AGBL1: variants seen among roughly 807,000 people sequenced by gnomAD.
The protein encoded by AGBL1 is AGBL carboxypeptidase 1.
A neutral mutation model predicts 118.9 loss-of-function variants in AGBL1; 130 were observed. That is an observed-to-expected ratio of 1.09 (90% confidence interval 0.95 to 1.26). The LOEUF is 1.26. Among genes scored for constraint, AGBL1 ranks in the 50% most tolerant of loss-of-function variants. AGBL1 has a pLI of 0.00. For missense variants in AGBL1, 1,584 were observed against 1,298.1 expected, an observed-to-expected ratio of 1.22 and a Z score of -3.38; for synonymous variants, 555 against 478.9, an observed-to-expected ratio of 1.16 and a Z score of -2.08.
chr15:86,537,884 T>C (rs1425929937), intron 19 of AGBL1, among the ~76,000 whole-genome samples: 1 of 152,196 alleles, frequency 6.6e-6, no homozygotes, highest in African/African-American at 2.4e-5. Context: ...ATATCTGGCA[T>C]TCAAATAAAT....
chr15:86,398,528 A>C (rs1465412710), intron 18 of AGBL1, among the ~76,000 whole-genome samples: 1 of 152,160 alleles, frequency 6.6e-6, no homozygotes, highest in Admixed American at 6.5e-5. Context: ...GAAGCAAAAA[A>C]GAAGTTTAGA....
chr15:86,860,851 T>C (rs752452027), intron 22 of AGBL1, among the ~76,000 whole-genome samples: 29 of 152,042 alleles, frequency 1.9e-4, no homozygotes, highest in Non-Finnish European at 3.7e-4. Context: ...GCACCTATCA[T>C]GGGCAGAAAG....
chr15:86,814,093 T>C (rs1204562622), intron 22 of AGBL1, among the ~76,000 whole-genome samples: 1 of 152,100 alleles, frequency 6.6e-6, no homozygotes, highest in Non-Finnish European at 1.5e-5. Context: ...ACCAGTCTGG[T>C]CCATGGCCTA....
At chr15:86,857,141 C>G (rs1412378474) in intron 22 of AGBL1, among the ~76,000 whole-genome samples, 1 of 152,142 alleles carries the variant, frequency 6.6e-6, no homozygotes, top group African/African-American at 2.4e-5. Flanking sequence ...TCCGGTTTAT[C>G]CATCCCCCAG....
chr15:86,396,745 A>G (rs2081370881), intron 17 of AGBL1, among the ~76,000 whole-genome samples: 1 of 152,132 alleles, frequency 6.6e-6, no homozygotes, highest in Admixed American at 6.6e-5. Flanking sequence ...TTTGTTTTTT[A>G]TAACAACCAC....
intron 22 of AGBL1, among the ~76,000 whole-genome samples, chr15:86,859,808 G>C (rs1038852725): frequency 1.1e-4 from 16 of 152,104 alleles, no homozygotes; most frequent in Non-Finnish European, 1.3e-4. Context: ...TGGTATTCTA[G>C]GGACAATACA....
intron 9 of AGBL1, among the ~76,000 whole-genome samples, chr15:86,261,219 C>G (rs900708258): frequency 6.6e-6 from 1 of 152,182 alleles, no homozygotes; most frequent in Non-Finnish European, 1.5e-5. Context: ...CCAGTTGGAG[C>G]ACAGCCTTAC....
At chr15:86,325,656 C>T (rs981438108) in intron 17 of AGBL1, among the ~76,000 whole-genome samples, 3 of 152,206 alleles carry the variant, frequency 2.0e-5, no homozygotes, top group African/African-American at 7.2e-5. Context: ...CCGGCACAGC[C>T]ATCTTCCATC....
intron 18 of AGBL1, among the ~76,000 whole-genome samples, chr15:86,405,316 C>T (rs1374593010): frequency 6.6e-6 from 1 of 151,682 alleles, no homozygotes; most frequent in Non-Finnish European, 1.5e-5. Context: ...TTGAGACCAT[C>T]CTGGCTAACA....
At chr15:87,016,077 C>T (rs1426068190) in intron 24 of AGBL1, among the ~76,000 whole-genome samples, 2 of 152,156 alleles carry the variant, frequency 1.3e-5, no homozygotes, top group African/African-American at 4.8e-5. Context: ...TACTTGCAGC[C>T]AGAACCATCC....
At chr15:86,252,094 G>A (rs2078826040) in intron 7 of AGBL1, among the ~76,000 whole-genome samples, 1 of 152,218 alleles carries the variant, frequency 6.6e-6, no homozygotes, top group African/African-American at 2.4e-5. Flanking sequence ...TCCGAGGTGA[G>A]ATGCAAGATT....
chr15:86,641,579 G>C (rs1455359541), intron 21 of AGBL1, among the ~76,000 whole-genome samples: 2 of 151,916 alleles, frequency 1.3e-5, no homozygotes, highest in African/African-American at 2.4e-5. Context: ...TCAATATATT[G>C]TTTGGTTTTA....
At position 86,670,420 on chromosome 15, in the gene AGBL1, G is replaced by A. The variant is rs372037052; in HGVS notation, c.2995-3853G>A. Among the ~76,000 whole-genome samples, 1,016 of 151,904 alleles carry A rather than the reference G, an allele frequency of 6.7e-3. 8 individuals carry two copies. The highest frequency in any genetic ancestry group is 0.021 in the East Asian group (105 of 5,116). ...GGAGTTTGAGACCAGCCTGGCCAAG[G>A]TGGTGAAACCCTGTCTCTACTCAAA... On this transcript the variant is annotated intron_variant, in intron 21 of 22. Transcript: ENST00000614907.
intron 7 of AGBL1, among the ~76,000 whole-genome samples, chr15:86,255,086 A>G (rs887024377): frequency 6.6e-6 from 1 of 152,212 alleles, no homozygotes; most frequent in African/African-American, 2.4e-5. Context: ...ATCAAAGACC[A>G]TCACAAACAT....
chr15:86,672,521 C>T (rs1441710702), intron 21 of AGBL1, among the ~76,000 whole-genome samples: 2 of 152,136 alleles, frequency 1.3e-5, no homozygotes, highest in African/African-American at 4.8e-5. Flanking sequence ...CCCCGAGGGC[C>T]AGAGTCTTAC....
In AGBL1 at chr15:86,613,664, G is replaced by A. The variant is rs1414636211; in HGVS notation, c.2994+59127G>A. 2.6e-5 allele frequency among the ~76,000 whole-genome samples: 4 copies of A among 152,142 alleles called. No individual in the cohort carries two copies. The highest frequency in any genetic ancestry group is 1.3e-4 in the Admixed American group (2 of 15,264). On this transcript the variant is annotated intron_variant, in intron 21 of 22. Coordinates refer to ENST00000614907, the MANE Select transcript of AGBL1 (RefSeq NM_001386094.1). The surrounding 1 kb of genome is among the most constrained non-coding windows in gnomAD (Gnocchi z 4.2). ...AGGCATGACGTTTCCCAGAAAGAGG[G>A]CATTTTCTATTGAGGGATGAAAACA...
At chr15:86,748,091 A>G (rs1447079640) in intron 22 of AGBL1, among the ~76,000 whole-genome samples, 7 of 152,184 alleles carry the variant, frequency 4.6e-5, no homozygotes, top group Non-Finnish European at 1.0e-4. Flanking sequence ...TTATAATCAC[A>G]TCAACAGTGT....
In AGBL1 at chr15:86,907,585, C is replaced by A. The variant is rs2080298295; in HGVS notation, c.*291C>A. ...GCCTCAAGATTACCATGGATCCTTTCAAGATTTTTCTGAGTTATTCTCCAT... is the reference window on the plus strand; with the variant it reads ...GCCTCAAGATTACCATGGATCCTTTAAAGATTTTTCTGAGTTATTCTCCAT... On this transcript the variant is annotated 3_prime_UTR_variant, in exon 23 of 23. Transcript: ENST00000614907. 6.6e-6 allele frequency: 1 copy of A among 152,166 alleles called. No individual in the cohort carries two copies. Among genetic ancestry groups the A allele is most frequent in the Non-Finnish European group, 1.5e-5 (1 of 68,038 alleles). 9.4% of individuals were successfully genotyped at this position (152,166 alleles called of 1,614,324 possible). A position where few individuals can be genotyped will look rare whatever the true frequency, so the allele number is the denominator to read the frequency against.
intron 22 of AGBL1, among the ~76,000 whole-genome samples, chr15:86,847,051 T>C (rs1596546128): frequency 6.6e-6 from 1 of 152,240 alleles, no homozygotes; most frequent in African/African-American, 2.4e-5. Flanking sequence ...AATTCTACTA[T>C]TGAGTTCCTT....
Sources: allele counts gnomAD v4.1 joint callset (sites outside exome capture counted in the v4.1 genomes callset), GRCh38; gene constraint gnomAD v4.1.1; non-coding constraint Gnocchi (gnomAD v3.1); transcripts MANE v1.5; gene names NCBI Gene and HGNC (gene_info 2026-07-23, HGNC 2026-07-21).